Variants in NTM observed in about 807,000 individuals in gnomAD.
NTM encodes neurotrimin.
In NTM, 13 loss-of-function variants were observed where a neutral mutation model predicts 42.1. The ratio of observed to expected loss-of-function variants is 0.31; its 90% CI spans 0.20 to 0.49. The LOEUF is 0.49. Ranked by LOEUF, NTM falls within the 20% of genes least tolerant of loss-of-function variation. NTM has a pLI of 0.99. For missense variants in NTM, 373 were observed against 452.8 expected (o/e 0.82, Z 1.60); for synonymous variants, 187 against 179.2 (o/e 1.04, Z -0.35).
At chr11:131,754,189 G>T (rs1008177988) in intron 1 of NTM, among the ~76,000 whole-genome samples, 1 of 149,892 alleles carries the variant, frequency 6.7e-6, no homozygotes, top group Admixed American at 6.7e-5. Flanking sequence ...GTTAAATGAC[G>T]AGTTACTGGG....
At chr11:131,717,555 G>T (rs988702488) in intron 1 of NTM, among the ~76,000 whole-genome samples, 1 of 152,100 alleles carries the variant, frequency 6.6e-6, no homozygotes, top group Admixed American at 6.5e-5. Flanking sequence ...AAATACAACT[G>T]ATTTTTGCAT....
chr11:132,021,178 A>T (rs2074273628), intron 2 of NTM, among the ~76,000 whole-genome samples: 1 of 151,828 alleles, frequency 6.6e-6, no homozygotes, highest in African/African-American at 2.4e-5. Flanking sequence ...GTGAGATTTT[A>T]ATTTTCTCAT....
intron 1 of NTM, among the ~76,000 whole-genome samples, chr11:131,677,872 A>C (rs2071706016): frequency 6.6e-6 from 1 of 152,164 alleles, no homozygotes; most frequent in African/African-American, 2.4e-5. Context: ...CCTATAACAC[A>C]GAGCCTTGTG....
chr11:131,722,519 A>G (rs953376841), intron 1 of NTM, among the ~76,000 whole-genome samples: 1 of 152,250 alleles, frequency 6.6e-6, no homozygotes, highest in Admixed American at 6.5e-5. Context: ...ATCTTTGCTA[A>G]TCTCTACGGA....
chr11:131,965,918 CAAAGGAGGGAGGGAGGGAAGGGGGAAGG>C (rs1361298350), intron 2 of NTM, among the ~76,000 whole-genome samples: 1 of 110,194 alleles, frequency 9.1e-6, no homozygotes, highest in African/African-American at 3.5e-5. Flanking sequence ...AGGTAGAGAG[CAAAGGAGGGAGGGAGGGAAGGGGGAAGG>C]AAAGGAGGGA....
chr11:131,403,512 G>GAAAC lies in NTM; in HGVS notation c.82+32639_82+32642dup, dbSNP rs370951018. 7.9e-3 allele frequency among the ~76,000 whole-genome samples: 1,203 copies of GAAAC among 152,032 alleles called. 15 individuals are homozygous for GAAAC. Among genetic ancestry groups the GAAAC allele is most frequent in the African/African-American group, 0.027 (1,138 of 41,498 alleles). On this transcript the variant is annotated intron_variant, in intron 1 of 8. Coordinates refer to ENST00000683400, the MANE Select transcript of NTM (RefSeq NM_001352005.2). ...ACTAGATATTGCTGGCAGAAAGAAA[G>GAAAC]AAACAAACAAACAAACAACAAGATC...
At chr11:131,612,114 C>T (rs1208535793) in intron 1 of NTM, among the ~76,000 whole-genome samples, 1 of 152,220 alleles carries the variant, frequency 6.6e-6, no homozygotes. Context: ...GACATTTGAG[C>T]AGCTCCTTAG....
chr11:131,427,154 G>A (rs892297376), intron 1 of NTM, among the ~76,000 whole-genome samples: 2 of 151,816 alleles, frequency 1.3e-5, no homozygotes, highest in Non-Finnish European at 2.9e-5. Flanking sequence ...TCCAGAAGCA[G>A]AAGACCGGCA....
intron 1 of NTM, among the ~76,000 whole-genome samples, chr11:131,426,000 G>A (rs1455002683): frequency 1.3e-5 from 2 of 152,122 alleles, no homozygotes; most frequent in Non-Finnish European, 2.9e-5. Context: ...GAGACATGAG[G>A]CTGATAGTGG....
At chr11:131,695,065 G>C (rs2075279254) in intron 1 of NTM, among the ~76,000 whole-genome samples, 1 of 152,198 alleles carries the variant, frequency 6.6e-6, no homozygotes, top group African/African-American at 2.4e-5. Flanking sequence ...GCAGGAGAGA[G>C]CTGTCTGCCA....
In NTM at chr11:132,165,352, G is replaced by C. The variant is rs77898031; in HGVS notation, c.400+18838G>C. 3.3e-5 allele frequency among the ~76,000 whole-genome samples: 5 copies of C among 152,246 alleles called. No homozygotes were observed. The East Asian group carries it at 9.7e-4, about 29-fold the overall frequency. On this transcript the variant is annotated intron_variant, in intron 3 of 8. Coordinates refer to ENST00000683400, the MANE Select transcript of NTM (RefSeq NM_001352005.2). ...TGTAGCACTCCTCATTCAGTCATCT[G>C]TTCCTATAGATGCCCGTCACTCACG...
At chr11:132,143,556 T>C (rs1306512350) in intron 2 of NTM, among the ~76,000 whole-genome samples, 2 of 152,160 alleles carry the variant, frequency 1.3e-5, no homozygotes, top group Non-Finnish European at 1.5e-5. Context: ...TGTCTGTAAA[T>C]TGGCAATAAG....
chr11:131,745,708 C>CTA (rs931903879), intron 1 of NTM, among the ~76,000 whole-genome samples: 1 of 151,720 alleles, frequency 6.6e-6, no homozygotes, highest in Non-Finnish European at 1.5e-5. Flanking sequence ...AATATCTAAC[C>CTA]TATAGTAGGT....
intron 1 of NTM, among the ~76,000 whole-genome samples, chr11:131,571,354 C>T (rs141343511): frequency 9.9e-5 from 15 of 152,272 alleles, no homozygotes; most frequent in East Asian, 1.9e-4. Flanking sequence ...TATATTAACA[C>T]GAATCCCCAA....
chr11:132,206,956 G>A (rs977863780), intron 3 of NTM, among the ~76,000 whole-genome samples: 2 of 152,136 alleles, frequency 1.3e-5, no homozygotes, highest in Admixed American at 1.3e-4. Flanking sequence ...ATGTTTACAT[G>A]CCCTGTTTCC....
chr11:132,215,532 T>A (rs1325941027), intron 4 of NTM, among the ~76,000 whole-genome samples: 1 of 152,020 alleles, frequency 6.6e-6, no homozygotes, highest in African/African-American at 2.4e-5. Context: ...AGCTTAGGAG[T>A]GACCATCAGG....
At chr11:131,494,084 C>T (rs117183515) in intron 1 of NTM, among the ~76,000 whole-genome samples, 5,960 of 152,264 alleles carry the variant, frequency 0.039, 165 homozygotes, top group Non-Finnish European at 0.058. Flanking sequence ...TGCACTTTCC[C>T]CTGTCTCTAC....
chr11:131,512,758 C>T (rs748777292), intron 1 of NTM, among the ~76,000 whole-genome samples: 34 of 152,162 alleles, frequency 2.2e-4, no homozygotes, highest in Non-Finnish European at 4.0e-4. Flanking sequence ...TCCACTCTCT[C>T]GTCTCCTTAG....
chr11:131,476,142 A>T (rs1057356576), intron 1 of NTM, among the ~76,000 whole-genome samples: 1 of 152,146 alleles, frequency 6.6e-6, no homozygotes, highest in African/African-American at 2.4e-5. Flanking sequence ...AGTTAACTAA[A>T]TCTATACTTA....
Sources: allele counts gnomAD v4.1 joint callset (sites outside exome capture counted in the v4.1 genomes callset), GRCh38; gene constraint gnomAD v4.1.1; transcripts MANE v1.5; gene names NCBI Gene and HGNC (gene_info 2026-07-23, HGNC 2026-07-21).